The following PEA15 variants were observed in gnomAD, a reference collection of about 807,000 sequenced individuals.
The protein encoded by PEA15 is astrocytic phosphoprotein PEA-15.
For synonymous variants in PEA15, 60 were observed against 61.8 expected (o/e 0.97, Z 0.13); for missense variants, 77 against 161.3 (o/e 0.48, Z 2.83).
chr1:160,209,734 C>G (rs1364308059), intron 1 of PEA15, among the ~76,000 whole-genome samples: 3 of 152,294 alleles, frequency 2.0e-5, no homozygotes, highest in South Asian at 2.1e-4. Context: ...CTCATGCCCC[C>G]CTACTCATTC....
intron 1 of PEA15, among the ~76,000 whole-genome samples, chr1:160,209,827 G>T (rs1571064982): frequency 6.6e-6 from 1 of 152,210 alleles, no homozygotes; most frequent in South Asian, 2.1e-4. Context: ...AGTGAAGTGA[G>T]GGGGGTTGGG....
chr1:160,208,366 G>C lies in PEA15; in HGVS notation c.-3+2844G>C. The stretch of plus-strand genomic sequence containing the variant: ...CAGGAAGGAAGGAAGGTGTGAGGAA[G>C]CGGTGAGCCTAGCACAGAAAGCTGG... On this transcript the variant is annotated intron_variant, in intron 1 of 3. Transcript: ENST00000360472. The surrounding 1 kb of genome is among the most constrained non-coding windows in gnomAD (Gnocchi z 4.1). The C allele has an allele frequency of 1.9e-6, 1 of 536,788 alleles. No homozygotes were observed. Among genetic ancestry groups the C allele is most frequent in the South Asian group, 2.3e-5 (1 of 42,712 alleles). The allele number at this position is 536,788 out of a possible 1,614,324, so 33.3% of individuals were successfully genotyped here. A position where few individuals can be genotyped will look rare whatever the true frequency, so the allele number is the denominator to read the frequency against.
chr1:160,206,154 A>G (rs1389640654), intron 1 of PEA15: 1 of 152,418 alleles, frequency 6.6e-6, no homozygotes, highest in African/African-American at 2.4e-5. Context: ...ATAGTCTAGC[A>G]CACTCCAAAT....
rs897728534 is a variant in PEA15 at position 160,208,235 on chromosome 1, G to T, written c.-3+2713G>T. 8 of 197,848 alleles carry T rather than the reference G, an allele frequency of 4.0e-5. No individual in the cohort carries two copies. Among genetic ancestry groups the T allele is most frequent in the Non-Finnish European group, 6.2e-5 (6 of 96,716 alleles). The allele number at this position is 197,848 out of a possible 1,614,324, so 12.3% of individuals were successfully genotyped here. On this transcript the variant is annotated intron_variant, in intron 1 of 3. Transcript: ENST00000360472. The surrounding 1 kb of genome is among the most constrained non-coding windows in gnomAD (Gnocchi z 4.1). The stretch of plus-strand genomic sequence containing the variant: ...GCTCCCACCTGTCCCACCCTAAAAG[G>T]TCAGTATATAATGGTCCTTACCTCC...
chr1:160,210,756 T>C (rs1041392442), intron 1 of PEA15, among the ~76,000 whole-genome samples: 2 of 152,142 alleles, frequency 1.3e-5, no homozygotes, highest in African/African-American at 4.8e-5. Flanking sequence ...CCAGAGCCAG[T>C]TGCTTGGTAT....
Position 160,205,551 on chromosome 1 carries a change from C to T in PEA15, c.-3+29C>T, listed in dbSNP as rs1654529883. ...AGAGGGGCGGAGAGGAGACATGTCG[C>T]GGGGAAGGGGCAGATTTCGGGGTCT... On this transcript the variant is annotated intron_variant, in intron 1 of 3. Transcript: ENST00000360472. This position sits in a 1 kb window ranked among gnomAD's most constrained non-coding sequence, Gnocchi z 5.9. 6.5e-6 allele frequency: 1 copy of T among 154,478 alleles called. No homozygotes were observed. Among genetic ancestry groups the T allele is most frequent in the African/African-American group, 2.4e-5 (1 of 41,446 alleles). 9.6% of individuals were successfully genotyped at this position (154,478 alleles called of 1,614,324 possible).
In PEA15 at chr1:160,213,721, T is replaced by C. The variant is rs1415371597; in HGVS notation, c.*235T>C. On this transcript the variant is annotated 3_prime_UTR_variant, in exon 4 of 4. Transcript: ENST00000360472. This position sits in a 1 kb window ranked among gnomAD's most constrained non-coding sequence, Gnocchi z 5.3. Reference sequence around the variant, plus strand: ...GGGGTCAGGGGCTAGGGGAGGGGGCTGAGTTTCCCCACTTTAGGAGGAGGT... The same window carrying C: ...GGGGTCAGGGGCTAGGGGAGGGGGCCGAGTTTCCCCACTTTAGGAGGAGGT... 6 of 489,820 alleles carry C rather than the reference T, an allele frequency of 1.2e-5. 1 individual carries two copies. The highest frequency in any genetic ancestry group is 9.4e-5 in the South Asian group (4 of 42,476). The allele number at this position is 489,820 out of a possible 1,614,324, so 30.3% of individuals were successfully genotyped here.
chr1:160,208,577 A>C lies in PEA15; in HGVS notation c.-2-2966A>C. 3.2e-6 allele frequency: 5 copies of C among 1,548,140 alleles called. No individual in the cohort carries two copies. Among genetic ancestry groups the C allele is most frequent in the Non-Finnish European group, 4.4e-6 (5 of 1,144,772 alleles). ...CAGATTTCTCCACGAGCCCTAAGGA[A>C]ATCTGAATCTCTGGTGAGGAAAGTG... On this transcript the variant is annotated intron_variant, in intron 1 of 3. Coordinates refer to ENST00000360472, the MANE Select transcript of PEA15 (RefSeq NM_003768.5). This position sits in a 1 kb window ranked among gnomAD's most constrained non-coding sequence, Gnocchi z 4.1.
At chr1:160,206,937 A>G (rs901241076) in intron 1 of PEA15, among the ~76,000 whole-genome samples, 2 of 152,170 alleles carry the variant, frequency 1.3e-5, no homozygotes, top group African/African-American at 4.8e-5. Flanking sequence ...CTGGTTGCCT[A>G]CTTCCTCAAT....
intron 1 of PEA15, chr1:160,211,247 A>T: frequency 1.2e-5 from 13 of 1,063,306 alleles, no homozygotes; most frequent in Non-Finnish European, 1.4e-5. Flanking sequence ...CTCCTCAGTC[A>T]GGGGAACTGT....
chr1:160,208,458 C>A lies in PEA15; in HGVS notation c.-3+2936C>A. ...CCTGATTCCTGCCCTGGTATCCTGT[C>A]CCAAGAATGGCCTCCGCCCAGACTG... is the stretch of plus-strand genomic sequence containing the variant. On this transcript the variant is annotated intron_variant, in intron 1 of 3. Transcript: ENST00000360472. This position sits in a 1 kb window ranked among gnomAD's most constrained non-coding sequence, Gnocchi z 4.1. The A allele has an allele frequency of 1.4e-6, 1 of 703,052 alleles. No homozygotes were observed. 43.6% of individuals were successfully genotyped at this position (703,052 alleles called of 1,614,324 possible). A position where few individuals can be genotyped will look rare whatever the true frequency, so the allele number is the denominator to read the frequency against.
At chr1:160,206,554 G>A (rs1235899894) in intron 1 of PEA15, among the ~76,000 whole-genome samples, 2 of 152,128 alleles carry the variant, frequency 1.3e-5, no homozygotes, top group African/African-American at 2.4e-5. Context: ...GGAGGAGGAG[G>A]GGGTGGAAGA....
In PEA15 at chr1:160,214,890, AG is replaced by A. The variant is rs988308657; in HGVS notation, c.*1406del. 8 of 152,686 alleles carry A rather than the reference AG, an allele frequency of 5.2e-5. No homozygotes were observed. Among genetic ancestry groups the A allele is most frequent in the Non-Finnish European group, 1.0e-4 (7 of 68,074 alleles). The allele number at this position is 152,686 out of a possible 1,614,324, so 9.5% of individuals were successfully genotyped here. A position where few individuals can be genotyped will look rare whatever the true frequency, so the allele number is the denominator to read the frequency against. On this transcript the variant is annotated 3_prime_UTR_variant, in exon 4 of 4. Coordinates refer to ENST00000360472, the MANE Select transcript of PEA15 (RefSeq NM_003768.5). ...GAGGGGAGGGCTGGCTGCTGGAAGA[AG>A]GAAGAAGCCAGACTGGTTAGACAGT... is the stretch of plus-strand genomic sequence containing the variant.
Position 160,213,294 on chromosome 1 carries a change from A to G in PEA15, c.328+29A>G, listed in dbSNP as rs1372301078. The G allele has an allele frequency of 1.2e-6, 2 of 1,613,956 alleles. No homozygotes were observed. Among genetic ancestry groups the G allele is most frequent in the Non-Finnish European group, 1.7e-6 (2 of 1,179,932 alleles). ...AGCGGCCACTCCTTTAACTAGCTGC[A>G]CCTCTGCCTCGTCCCGTTGACTATC... On this transcript the variant is annotated intron_variant, in intron 3 of 3. Coordinates refer to ENST00000360472, the MANE Select transcript of PEA15 (RefSeq NM_003768.5). The surrounding 1 kb of genome is among the most constrained non-coding windows in gnomAD (Gnocchi z 5.3).
At chr1:160,209,470 ATC>A (rs1478883783) in intron 1 of PEA15, among the ~76,000 whole-genome samples, 3 of 151,928 alleles carry the variant, frequency 2.0e-5, no homozygotes, top group African/African-American at 4.8e-5. Flanking sequence ...TCCTCTGTAG[ATC>A]TGTTTTAGAT....
chr1:160,205,407 C>T lies in PEA15; in HGVS notation c.-118C>T, dbSNP rs943692065. 9.0e-5 allele frequency: 16 copies of T among 178,456 alleles called. No homozygotes were observed. Among genetic ancestry groups the T allele is most frequent in the Admixed American group, 5.7e-4 (8 of 14,082 alleles). The allele number at this position is 178,456 out of a possible 1,614,324, so 11.1% of individuals were successfully genotyped here. ...CCGGCTCCGCGGGCGGAAGAGGCGG[C>T]GGCGGCGGCAGAAGCGGCGGCGGCG... On this transcript the variant is annotated 5_prime_UTR_variant, in exon 1 of 4. Transcript: ENST00000360472. This position sits in a 1 kb window ranked among gnomAD's most constrained non-coding sequence, Gnocchi z 5.9.
At chr1:160,209,608 C>A (rs1654779946) in intron 1 of PEA15, among the ~76,000 whole-genome samples, 1 of 152,166 alleles carries the variant, frequency 6.6e-6, no homozygotes, top group Non-Finnish European at 1.5e-5. Context: ...CATATGAAAG[C>A]AGGGAAGTAT....
intron 1 of PEA15, chr1:160,211,272 T>A: frequency 8.9e-7 from 1 of 1,123,896 alleles, no homozygotes; most frequent in Non-Finnish European, 1.1e-6. Flanking sequence ...AGGGTTACTG[T>A]TAGAGGGGGA....
At chr1:160,211,788 C>G in intron 2 of PEA15, 72 bp downstream of exon 2, 1 of 1,459,698 alleles carries the variant, frequency 6.9e-7, no homozygotes, top group Non-Finnish European at 9.4e-7. Flanking sequence ...TAGAGATGAG[C>G]TCAAAGCTTT....
Sources: gnomAD v4.1 joint callset for allele counts (sites outside exome capture counted in the v4.1 genomes callset) on GRCh38, gnomAD v4.1.1 for gene constraint, Gnocchi (gnomAD v3.1) non-coding constraint, MANE v1.5 for transcripts, NCBI Gene and HGNC (gene_info 2026-07-23, HGNC 2026-07-21) for gene names.